Variants in GATAD2A observed in about 807,000 individuals in gnomAD.
The protein encoded by GATAD2A is GATA zinc finger domain containing 2A.
A neutral mutation model predicts 68.5 loss-of-function variants in GATAD2A; 12 were observed. The observed-to-expected ratio is 0.18, with a 90% CI of 0.11 to 0.28. The LOEUF is 0.28. GATAD2A is among the 10% of genes least tolerant of loss of function. GATAD2A has a pLI of 1.00. For missense variants in GATAD2A, 755 were observed against 868.5 expected (o/e 0.87, Z 1.64); for synonymous variants, 410 against 375.3 (o/e 1.09, Z -1.07).
intron 1 of GATAD2A, among the ~76,000 whole-genome samples, chr19:19,415,657 C>T (rs1033371544): frequency 2.2e-5 from 3 of 135,370 alleles, no homozygotes; most frequent in African/African-American, 8.7e-5. Context: ...CTCACTTTGT[C>T]ACCAGGCTGG....
chr19:19,478,045 G>A (rs903866146), intron 2 of GATAD2A, among the ~76,000 whole-genome samples: 1 of 152,212 alleles, frequency 6.6e-6, no homozygotes, highest in Non-Finnish European at 1.5e-5. Context: ...CAATTATAGT[G>A]TATCTTTGGG....
intron 1 of GATAD2A, among the ~76,000 whole-genome samples, chr19:19,448,101 C>A (rs2055944146): frequency 6.6e-6 from 1 of 152,232 alleles, no homozygotes; most frequent in South Asian, 2.1e-4. Context: ...CACGTAGGCT[C>A]ACGGTCCAGG....
At chr19:19,498,804 C>A in intron 8 of GATAD2A, 82 bp downstream of exon 8, 1 of 1,264,656 alleles carries the variant, frequency 7.9e-7, no homozygotes. Flanking sequence ...CAACACACAG[C>A]AGAGGCTGGG....
chr19:19,449,674 C>T (rs2056158148), intron 1 of GATAD2A, among the ~76,000 whole-genome samples: 1 of 151,592 alleles, frequency 6.6e-6, no homozygotes, highest in Admixed American at 6.6e-5. Flanking sequence ...TATGGTGGTG[C>T]CCACCTGTGA....
intron 1 of GATAD2A, among the ~76,000 whole-genome samples, chr19:19,406,687 C>T (rs916714606): frequency 6.6e-6 from 1 of 152,144 alleles, no homozygotes; most frequent in African/African-American, 2.4e-5. Context: ...TAGAGTGGGT[C>T]GGCATCAGTG....
chr19:19,460,649 T>C (rs1321873914), intron 1 of GATAD2A, among the ~76,000 whole-genome samples: 1 of 151,998 alleles, frequency 6.6e-6, no homozygotes, highest in Non-Finnish European at 1.5e-5. Flanking sequence ...AATCTGCTCC[T>C]CCCCATCTCA....
intron 1 of GATAD2A, among the ~76,000 whole-genome samples, chr19:19,414,355 C>T (rs1368662339): frequency 6.6e-6 from 1 of 151,982 alleles, no homozygotes; most frequent in East Asian, 1.9e-4. Flanking sequence ...GAGTGGCCTG[C>T]CCAAGGTTGA....
rs985324954 is a variant in GATAD2A, at chr19:19,507,095, C to G, written c.*1621C>G. ...TTGTTGTGCAAATCCCCAAATTTCT[C>G]ACTAATTTTTGTTTTTTTGTGCATA... On this transcript the variant is annotated 3_prime_UTR_variant, in exon 12 of 12. Transcript: ENST00000683918. 2.0e-5 allele frequency: 3 copies of G among 151,886 alleles called. No homozygotes were observed. The highest frequency in any genetic ancestry group is 7.3e-5 in the African/African-American group (3 of 41,306). The allele number at this position is 151,886 out of a possible 1,614,324, so 9.4% of individuals were successfully genotyped here. A position where few individuals can be genotyped will look rare whatever the true frequency, so the allele number is the denominator to read the frequency against.
At chr19:19,456,749 G>C (rs1302285580) in intron 1 of GATAD2A, among the ~76,000 whole-genome samples, 1 of 152,214 alleles carries the variant, frequency 6.6e-6, no homozygotes, top group Non-Finnish European at 1.5e-5. Context: ...CTTGGTGTGA[G>C]AGGGCAAGGT....
chr19:19,469,529 A>G (rs1477645745), intron 2 of GATAD2A, among the ~76,000 whole-genome samples: 1 of 152,258 alleles, frequency 6.6e-6, no homozygotes, highest in Non-Finnish European at 1.5e-5. Context: ...GAAATAAAGG[A>G]ACAAACAAGA....
intron 8 of GATAD2A, among the ~76,000 whole-genome samples, chr19:19,499,919 G>T (rs557142394): frequency 6.6e-6 from 1 of 152,346 alleles, no homozygotes; most frequent in African/African-American, 2.4e-5. Flanking sequence ...ACACAGCCCG[G>T]CTGGTGCCTT....
intron 1 of GATAD2A, among the ~76,000 whole-genome samples, chr19:19,461,445 T>G (rs1413168475): frequency 1.3e-5 from 2 of 152,234 alleles, no homozygotes; most frequent in Admixed American, 6.5e-5. Flanking sequence ...GAGTTCTGGT[T>G]CCTGCCACAG....
At chr19:19,498,382 T>C in intron 7 of GATAD2A, 61 bp from the exon 8 acceptor site, 1 of 1,519,230 alleles carries the variant, frequency 6.6e-7, no homozygotes, top group Non-Finnish European at 8.9e-7. Flanking sequence ...TTCGGGGCGC[T>C]GGGGAGCCTT....
In GATAD2A at chr19:19,415,327, T is replaced by C. The variant is rs565197041; in HGVS notation, c.-7+9308T>C. Reference sequence around the variant, plus strand: ...GTCACCATACCCAGCTAATTTTGTATTTTTAGTAGAGACAGGGTTTCTTCT... The same window carrying C: ...GTCACCATACCCAGCTAATTTTGTACTTTTAGTAGAGACAGGGTTTCTTCT... On this transcript the variant is annotated intron_variant, in intron 1 of 11. Transcript: ENST00000683918. 4.0e-5 allele frequency among the ~76,000 whole-genome samples: 6 copies of C among 151,688 alleles called. No individual in the cohort carries two copies. In the East Asian group the frequency reaches 1.2e-3, roughly 30 times the overall value.
At chr19:19,414,003 C>T (rs968948879) in intron 1 of GATAD2A, among the ~76,000 whole-genome samples, 19 of 151,920 alleles carry the variant, frequency 1.3e-4, no homozygotes, top group African/African-American at 4.4e-4. Context: ...AGTGTTGAGT[C>T]TTTTTGTTGT....
intron 8 of GATAD2A, among the ~76,000 whole-genome samples, chr19:19,500,354 CGA>C (rs1166318578): frequency 2.0e-5 from 3 of 152,170 alleles, no homozygotes; most frequent in Non-Finnish European, 4.4e-5. Flanking sequence ...GAGGGAAGGC[CGA>C]GAGTCTCGCC....
At chr19:19,501,005 G>A in intron 8 of GATAD2A, 113 bp from the exon 9 acceptor site, 1 of 929,942 alleles carries the variant, frequency 1.1e-6, no homozygotes, top group Non-Finnish European at 1.6e-6. Flanking sequence ...GTAGGCATTT[G>A]CAGAACGGAC....
chr19:19,388,926 C>G (rs1236622672), intron 1 of GATAD2A, among the ~76,000 whole-genome samples: 1 of 152,008 alleles, frequency 6.6e-6, no homozygotes, highest in Non-Finnish European at 1.5e-5. Context: ...AAAGACAGAG[C>G]AAGAAGCAGG....
At chr19:19,443,709 A>C (rs2055367566) in intron 1 of GATAD2A, among the ~76,000 whole-genome samples, 1 of 152,002 alleles carries the variant, frequency 6.6e-6, no homozygotes, top group Non-Finnish European at 1.5e-5. Context: ...GTGGATTTGA[A>C]ATTTTCCTTA....
Sources: allele counts gnomAD v4.1 joint callset (sites outside exome capture counted in the v4.1 genomes callset), GRCh38; gene constraint gnomAD v4.1.1; transcripts MANE v1.5; gene names NCBI Gene and HGNC (gene_info 2026-07-23, HGNC 2026-07-21).